The following IL2RA variants were observed in gnomAD, a reference collection of about 807,000 sequenced individuals.
IL2RA encodes the protein interleukin-2 receptor subunit alpha.
Under a neutral mutation model 37.8 loss-of-function variants are expected in IL2RA, and 24 were observed. That is an observed-to-expected ratio of 0.63 (90% CI 0.46 to 0.89). The LOEUF (loss-of-function observed/expected upper bound fraction) is 0.89, where lower values mean the gene tolerates loss of function less well. Among genes scored for constraint, IL2RA ranks in the 40% least tolerant of loss-of-function variants. IL2RA has a pLI of 0.00. For missense variants in IL2RA, 319 were observed against 348.6 expected (o/e 0.92, Z 0.68); for synonymous variants, 125 against 114.6 (o/e 1.09, Z -0.58).
chr10:6,031,219 A>G (rs1383081246), intron 1 of IL2RA, among the ~76,000 whole-genome samples: 1 of 151,774 alleles, frequency 6.6e-6, no homozygotes, highest in Non-Finnish European at 1.5e-5. Context: ...GCTGTCTTCA[A>G]GAGAACACAC....
chr10:6,043,216 G>C (rs1266575519), intron 1 of IL2RA, among the ~76,000 whole-genome samples: 2 of 152,126 alleles, frequency 1.3e-5, no homozygotes, highest in South Asian at 2.1e-4. Flanking sequence ...CATCAAAAAT[G>C]AATCTCAGAA....
chr10:6,034,907 C>T (rs1189322618), intron 1 of IL2RA, among the ~76,000 whole-genome samples: 1 of 152,204 alleles, frequency 6.6e-6, no homozygotes, highest in Non-Finnish European at 1.5e-5. Flanking sequence ...GAATATTTTT[C>T]TCCCTGTAAT....
intron 1 of IL2RA, 138 bp from the exon 2 acceptor site, chr10:6,026,163 A>G: frequency 3.5e-6 from 3 of 863,254 alleles, no homozygotes; most frequent in East Asian, 2.6e-5. Flanking sequence ...TGAGAAAGCA[A>G]CTAAGGCTGC....
rs1302192868 is a variant in IL2RA at position 6,047,416 on chromosome 10, G to T, written c.64+14672C>A. Among the ~76,000 whole-genome samples the T allele has an allele frequency of 1.3e-5, 2 of 152,222 alleles. No homozygotes were observed. The highest frequency in any genetic ancestry group is 2.4e-5 in the African/African-American group (1 of 41,448). ...CACGGCACCAGAGGAGAGCTCAGGA[G>T]TCAGCCTGCTCCAAAGCTCTTCCTG... On this transcript the variant is annotated intron_variant, in intron 1 of 7. Transcript: ENST00000379959. The surrounding 1 kb of genome is among the most constrained non-coding windows in gnomAD (Gnocchi z 5.0).
chr10:6,030,070 T>C (rs975160464), intron 1 of IL2RA, among the ~76,000 whole-genome samples: 1 of 152,178 alleles, frequency 6.6e-6, no homozygotes, highest in Non-Finnish European at 1.5e-5. Context: ...TAGCCGGGGC[T>C]TGAAGGCAAA....
rs548725973 is a variant in IL2RA at position 6,029,795 on chromosome 10, C to G, written c.65-3770G>C. Among the ~76,000 whole-genome samples, 3 of 152,212 alleles carry G rather than the reference C, an allele frequency of 2.0e-5. No homozygotes were observed. The highest frequency in any genetic ancestry group is 4.8e-5 in the African/African-American group (2 of 41,538). ...TCTTGGCTCACTGAAACCTCTGCCTCCCAGATTCAAGTGATTCTTCTGCCT... is the reference window on the plus strand; with the variant it reads ...TCTTGGCTCACTGAAACCTCTGCCTGCCAGATTCAAGTGATTCTTCTGCCT... On this transcript the variant is annotated intron_variant, in intron 1 of 7. Coordinates refer to ENST00000379959, the MANE Select transcript of IL2RA (RefSeq NM_000417.3). The surrounding 1 kb of genome is among the most constrained non-coding windows in gnomAD (Gnocchi z 4.6).
rs185711023 is a variant in IL2RA at position 6,056,740 on chromosome 10, C to T, written c.64+5348G>A. On this transcript the variant is annotated intron_variant, in intron 1 of 7. Coordinates refer to ENST00000379959, the MANE Select transcript of IL2RA (RefSeq NM_000417.3). The surrounding 1 kb of genome is among the most constrained non-coding windows in gnomAD (Gnocchi z 5.0). ...CTGTGCTCTAGCCTGGGCGACAGAG[C>T]GAAACTGTCCAAAAAAAAAAAAGAT... Among the ~76,000 whole-genome samples the T allele has an allele frequency of 1.4e-4, 21 of 151,108 alleles. No homozygotes were observed. The East Asian group carries it at 1.6e-3, about 11-fold the overall frequency.
At position 6,018,118 on chromosome 10, in the gene IL2RA, C is replaced by A. The variant is rs74162100; in HGVS notation, c.729G>T (p.Val243=). ...SIFTTEYQVA[V]AGCVFLLISV... is the part of the protein sequence containing the mutation. Reference sequence around the variant, plus strand: ...TGATCAGCAGGAAAACACAGCCGGCCACTGTCAATAGAGAGAGGGAGTTCA... The same window carrying A: ...TGATCAGCAGGAAAACACAGCCGGCAACTGTCAATAGAGAGAGGGAGTTCA... Residue 243 remains valine, a splice_region_variant and synonymous_variant, in exon 7 of 8, where the codon GTG becomes GTT. Transcript: ENST00000379959. The surrounding 1 kb of genome is among the most constrained non-coding windows in gnomAD (Gnocchi z 5.1). 6.2e-7 allele frequency: 1 copy of A among 1,613,832 alleles called. No individual in the cohort carries two copies. Among genetic ancestry groups the A allele is most frequent in the Admixed American group, 1.7e-5 (1 of 60,012 alleles).
Position 6,018,410 on chromosome 10 carries a change from G to A in IL2RA, c.728-291C>T, listed in dbSNP as rs369470976. The stretch of plus-strand genomic sequence containing the variant: ...AGGCCAGGCCTCGTTTAAGGACACC[G>A]AGAGCGCCTGGTAAAAGAAATGTTG... On this transcript the variant is annotated intron_variant, in intron 6 of 7. Transcript: ENST00000379959. The surrounding 1 kb of genome is among the most constrained non-coding windows in gnomAD (Gnocchi z 5.1). Among the ~76,000 whole-genome samples the A allele has an allele frequency of 1.2e-4, 19 of 152,172 alleles. No individual in the cohort carries two copies. Among genetic ancestry groups the A allele is most frequent in the African/African-American group, 3.4e-4 (14 of 41,438 alleles).
intron 1 of IL2RA, among the ~76,000 whole-genome samples, chr10:6,026,246 G>GC (rs1839481311): frequency 6.6e-6 from 1 of 152,134 alleles, no homozygotes; most frequent in African/African-American, 2.4e-5. Flanking sequence ...CCTCTCCAAA[G>GC]CACAATGTAT....
rs773990767 is a variant in IL2RA at position 6,056,582 on chromosome 10, C to G, written c.64+5506G>C. ...GCCTACGCAACATAGCAAAAACCCC[C>G]TCTCTACTAAAATTACAAAAAAGGA... is the stretch of plus-strand genomic sequence containing the variant. On this transcript the variant is annotated intron_variant, in intron 1 of 7. Transcript: ENST00000379959. The surrounding 1 kb of genome is among the most constrained non-coding windows in gnomAD (Gnocchi z 5.0). Among the ~76,000 whole-genome samples, 14 of 152,060 alleles carry G rather than the reference C, an allele frequency of 9.2e-5. No homozygotes were observed. The highest frequency in any genetic ancestry group is 1.5e-4 in the Non-Finnish European group (10 of 68,002).
chr10:6,046,379 C>T lies in IL2RA; in HGVS notation c.64+15709G>A, dbSNP rs1199726787. ...TTAAGAAGGGTTCAGTAGAGACAAA[C>T]AGCATCATAAAAGTGTCAAATCCGT... is the stretch of plus-strand genomic sequence containing the variant. On this transcript the variant is annotated intron_variant, in intron 1 of 7. Coordinates refer to ENST00000379959, the MANE Select transcript of IL2RA (RefSeq NM_000417.3). This position sits in a 1 kb window ranked among gnomAD's most constrained non-coding sequence, Gnocchi z 4.8. Among the ~76,000 whole-genome samples the T allele has an allele frequency of 6.6e-6, 1 of 152,156 alleles. No individual in the cohort carries two copies. Among genetic ancestry groups the T allele is most frequent in the Non-Finnish European group, 1.5e-5 (1 of 68,050 alleles).
rs373337461 is a variant in IL2RA at position 6,019,874 on chromosome 10, T to C, written c.651A>G (p.Thr217=). 1.9e-6 allele frequency: 3 copies of C among 1,614,088 alleles called. No individual in the cohort carries two copies. Among genetic ancestry groups the C allele is most frequent in the African/African-American group, 2.7e-5 (2 of 75,046 alleles). Residue 217 remains threonine, a synonymous_variant, in exon 5 of 8, where the codon ACA becomes ACG. Transcript: ENST00000379959. ...AGCGTTTGTCTTCTCCCGCACCTGT[T>C]GTTGTGACGAGGCAGGAAGTCTCAC... ...PESETSCLVT[T]TDFQIQTEMA... is the part of the protein sequence containing the mutation.
Position 6,020,298 on chromosome 10 carries a change from CA to C in IL2RA, c.584-358del, listed in dbSNP as rs1839363916. Among the ~76,000 whole-genome samples the C allele has an allele frequency of 6.6e-6, 1 of 152,140 alleles. No individual in the cohort carries two copies. Among genetic ancestry groups the C allele is most frequent in the African/African-American group, 2.4e-5 (1 of 41,426 alleles). On this transcript the variant is annotated intron_variant, in intron 4 of 7. Coordinates refer to ENST00000379959, the MANE Select transcript of IL2RA (RefSeq NM_000417.3). The surrounding 1 kb of genome is among the most constrained non-coding windows in gnomAD (Gnocchi z 5.6). ...TGAACCACTGGATGGAGCAGAGATG[CA>C]CTAAGGGACAGCTGCTTCTGTGCCA...
chr10:6,032,624 T>C (rs987585054), intron 1 of IL2RA, among the ~76,000 whole-genome samples: 9 of 146,804 alleles, frequency 6.1e-5, no homozygotes, highest in South Asian at 4.3e-4. Flanking sequence ...ACTTGGGAGG[T>C]GGAGCTTGCA....
intron 1 of IL2RA, among the ~76,000 whole-genome samples, chr10:6,052,653 G>T (rs774385942): frequency 6.6e-6 from 1 of 151,942 alleles, no homozygotes; most frequent in Non-Finnish European, 1.5e-5. Flanking sequence ...CCCCCCTCAC[G>T]CCTCAGAGGC....
Position 6,012,857 on chromosome 10 carries a change from T to A in IL2RA, c.*15A>T. On this transcript the variant is annotated 3_prime_UTR_variant, in exon 8 of 8. Coordinates refer to ENST00000379959, the MANE Select transcript of IL2RA (RefSeq NM_000417.3). This position sits in a 1 kb window ranked among gnomAD's most constrained non-coding sequence, Gnocchi z 4.8. The stretch of plus-strand genomic sequence containing the variant: ...TCCCGGCTTCTTACCAAGAAATTCT[T>A]GTTCTTTTGGTTTTCTAGATTGTTC... 6.2e-7 allele frequency: 1 copy of A among 1,613,470 alleles called. No homozygotes were observed. Among genetic ancestry groups the A allele is most frequent in the Admixed American group, 1.7e-5 (1 of 60,020 alleles).
At chr10:6,038,926 T>C (rs1393398972) in intron 1 of IL2RA, among the ~76,000 whole-genome samples, 1 of 152,004 alleles carries the variant, frequency 6.6e-6, no homozygotes, top group African/African-American at 2.4e-5. Context: ...GGGAAATGCA[T>C]AGAAAGAGAA....
At chr10:6,042,549 T>A (rs1230139870) in intron 1 of IL2RA, among the ~76,000 whole-genome samples, 1 of 152,034 alleles carries the variant, frequency 6.6e-6, no homozygotes, top group Non-Finnish European at 1.5e-5. Flanking sequence ...ATTAGAGGAA[T>A]AAGAAGTGGA....
Sources: allele counts gnomAD v4.1 joint callset (sites outside exome capture counted in the v4.1 genomes callset), GRCh38; gene constraint gnomAD v4.1.1; non-coding constraint Gnocchi (gnomAD v3.1); transcripts MANE v1.5; gene names NCBI Gene and HGNC (gene_info 2026-07-23, HGNC 2026-07-21).